Variants in TBC1D23 observed in about 807,000 individuals in gnomAD.
TBC1D23 encodes the protein HCV non-structural protein 4A-transactivated protein 1.
TBC1D23 carries 55 observed loss-of-function variants against 91.4 expected under a neutral mutation model. The ratio of observed to expected loss-of-function variants is 0.60; its 90% CI spans 0.48 to 0.75. The LOEUF (loss-of-function observed/expected upper bound fraction) is 0.75. Ranked by LOEUF, TBC1D23 falls within the 30% of genes least tolerant of loss-of-function variation. The pLI is 0.00. For missense variants in TBC1D23, 725 were observed against 836.1 expected (o/e 0.87, Z 1.64); for synonymous variants, 289 against 281.0 (o/e 1.03, Z -0.28).
intron 11 of TBC1D23, among the ~76,000 whole-genome samples, chr3:100,304,229 C>A (rs955562602): frequency 2.0e-5 from 3 of 152,140 alleles, no homozygotes; most frequent in Non-Finnish European, 2.9e-5. Flanking sequence ...TGTCATTTAT[C>A]ATGTTCTGTC....
At chr3:100,268,053 TC>T (rs1475057225) in intron 1 of TBC1D23, among the ~76,000 whole-genome samples, 1 of 152,022 alleles carries the variant, frequency 6.6e-6, no homozygotes, top group Admixed American at 6.6e-5. Context: ...AAACCTGTAG[TC>T]CCAGCTACTT....
chr3:100,308,464 G>A (rs1705557348), intron 13 of TBC1D23, among the ~76,000 whole-genome samples: 2 of 150,496 alleles, frequency 1.3e-5, no homozygotes, highest in Non-Finnish European at 3.0e-5. Flanking sequence ...GCGACAGAAC[G>A]AGACTCCGTC....
intron 18 of TBC1D23, 77 bp from the exon 19 acceptor site, chr3:100,323,510 G>T: frequency 1.4e-6 from 1 of 729,684 alleles, no homozygotes; most frequent in Non-Finnish European, 1.9e-6. Context: ...GAGTCTTGAA[G>T]GGAAAGCACT....
At chr3:100,268,161 A>G (rs1250984326) in intron 1 of TBC1D23, among the ~76,000 whole-genome samples, 1 of 151,994 alleles carries the variant, frequency 6.6e-6, no homozygotes, top group African/African-American at 2.4e-5. Context: ...CTCTGTCTCT[A>G]ATAATAATAA....
Position 100,295,096 on chromosome 3 carries a change from CT to C in TBC1D23, c.615del (p.Phe205LeufsTer29). Reference protein sequence around the residue: ...DSYALNWLGSLFACYCSTEVT... With the variant: ...DSYALNWLGSXFACYCSTEVT... ...CATTTCCTGATTACAGCTTGGAAGT[CT>C]TTTTGCATGTTACTGTTCCACTGAA... On this transcript the variant is annotated frameshift_variant, in exon 6 of 19. Coordinates refer to ENST00000394144, the MANE Select transcript of TBC1D23 (RefSeq NM_001199198.3). LOFTEE classifies it high-confidence loss of function. 1 of 1,585,718 alleles carries C rather than the reference CT, an allele frequency of 6.3e-7. No individual in the cohort carries two copies. The highest frequency in any genetic ancestry group is 8.5e-7 in the Non-Finnish European group (1 of 1,170,304).
chr3:100,291,976 G>A (rs549854083), intron 5 of TBC1D23, among the ~76,000 whole-genome samples: 2 of 152,088 alleles, frequency 1.3e-5, no homozygotes, highest in South Asian at 2.1e-4. Flanking sequence ...CGATGGCCAG[G>A]CTGGTCTCGA....
chr3:100,306,030 T>G (rs1008261109), intron 12 of TBC1D23, among the ~76,000 whole-genome samples: 5 of 152,354 alleles, frequency 3.3e-5, no homozygotes, highest in African/African-American at 1.2e-4. Flanking sequence ...TAACAATGCT[T>G]CTTTATTATG....
intron 5 of TBC1D23, among the ~76,000 whole-genome samples, chr3:100,291,097 C>G (rs1283099850): frequency 2.0e-5 from 3 of 151,992 alleles, no homozygotes; most frequent in Non-Finnish European, 4.4e-5. Context: ...TATACAGTCA[C>G]AAGGAAAATG....
intron 16 of TBC1D23, among the ~76,000 whole-genome samples, chr3:100,317,345 C>G (rs1050899078): frequency 2.0e-5 from 3 of 152,106 alleles, no homozygotes; most frequent in Non-Finnish European, 2.9e-5. Flanking sequence ...TCATGTATCT[C>G]CTCATTCTCC....
At chr3:100,277,987 C>T (rs997202444) in intron 1 of TBC1D23, among the ~76,000 whole-genome samples, 1 of 152,152 alleles carries the variant, frequency 6.6e-6, no homozygotes, top group Non-Finnish European at 1.5e-5. Flanking sequence ...GTAGCTTTGT[C>T]AAGGAACCTT....
At position 100,290,577 on chromosome 3, in the gene TBC1D23, G is replaced by A; in HGVS notation, c.477-1G>A. ...AAAATTTTGCTTCTCTTGTCTTCTAGGGATTGTTCCCAGAAAGGGAGACCA... is the reference window on the plus strand; with the variant it reads ...AAAATTTTGCTTCTCTTGTCTTCTAAGGATTGTTCCCAGAAAGGGAGACCA... On this transcript the variant is annotated splice_acceptor_variant, in intron 4 of 18. Coordinates refer to ENST00000394144, the MANE Select transcript of TBC1D23 (RefSeq NM_001199198.3). LOFTEE classifies it high-confidence loss of function. 6.2e-7 allele frequency: 1 copy of A among 1,612,914 alleles called. No individual in the cohort carries two copies.
chr3:100,291,784 GCTTTTTTTTTT>G (rs1158807664), intron 5 of TBC1D23, among the ~76,000 whole-genome samples: 1 of 146,082 alleles, frequency 6.8e-6, no homozygotes, highest in African/African-American at 2.5e-5. Flanking sequence ...TATCATATCT[GCTTTTTTTTTT>G]CTTTTTTTTT....
At chr3:100,264,078 A>G (rs2067537377) in intron 1 of TBC1D23, among the ~76,000 whole-genome samples, 1 of 152,120 alleles carries the variant, frequency 6.6e-6, no homozygotes, top group South Asian at 2.1e-4. Flanking sequence ...GAATAGGAAG[A>G]CTTTGGGATT....
At chr3:100,315,980 T>G in intron 15 of TBC1D23, 119 bp from the exon 16 acceptor site, 3 of 757,896 alleles carry the variant, frequency 4.0e-6, no homozygotes, top group Non-Finnish European at 6.9e-6. Context: ...GTACATGGGG[T>G]TTTGGGGGGG....
Position 100,296,188 on chromosome 3 carries a change from T to C in TBC1D23, c.789T>C (p.Thr263=). 2 of 1,577,972 alleles carry C rather than the reference T, an allele frequency of 1.3e-6. No homozygotes were observed. The highest frequency in any genetic ancestry group is 1.7e-6 in the Non-Finnish European group (2 of 1,161,672). ...ATATTTCAGAGTTCTTGGAAAATAC[T>C]CCATCCAGTCTGAATATAGAAGATA... The part of the protein sequence containing the change: ...KEEVIKFLEN[T]PSSLNIEDIE... Residue 263 remains threonine, a synonymous_variant, in exon 8 of 19, where the codon ACT becomes ACC. Coordinates refer to ENST00000394144, the MANE Select transcript of TBC1D23 (RefSeq NM_001199198.3).
In TBC1D23 at chr3:100,295,376, A is replaced by G. The variant is rs754210342; in HGVS notation, c.772+28A>G. The G allele has an allele frequency of 3.2e-6, 5 of 1,568,398 alleles. No homozygotes were observed. In the Admixed American group the frequency reaches 9.0e-5, roughly 28 times the overall value. ...AAGTATCATTTAATGTAGTGAAAAC[A>G]TTTCAGGTCTCTTTATCTGTGTAAG... On this transcript the variant is annotated intron_variant, in intron 7 of 18. Coordinates refer to ENST00000394144, the MANE Select transcript of TBC1D23 (RefSeq NM_001199198.3).
At chr3:100,288,569 A>G (rs2067763353) in intron 4 of TBC1D23, among the ~76,000 whole-genome samples, 1 of 152,220 alleles carries the variant, frequency 6.6e-6, no homozygotes, top group Non-Finnish European at 1.5e-5. Flanking sequence ...AAAATGTAAG[A>G]TAAAATGAAA....
intron 1 of TBC1D23, among the ~76,000 whole-genome samples, chr3:100,273,186 G>A (rs1437019893): frequency 6.6e-6 from 1 of 152,186 alleles, no homozygotes; most frequent in African/African-American, 2.4e-5. Flanking sequence ...GTGTCCCTGG[G>A]TACTTGAGAT....
Position 100,280,398 on chromosome 3 carries a change from T to A in TBC1D23, c.165+638T>A, listed in dbSNP as rs1351937360. Among the ~76,000 whole-genome samples, 5 of 152,330 alleles carry A rather than the reference T, an allele frequency of 3.3e-5. No homozygotes were observed. In the South Asian group the frequency reaches 1.0e-3, roughly 32 times the overall value. The stretch of plus-strand genomic sequence containing the variant: ...GGGTTATAGGAGATTTTCCCTTTGT[T>A]TTCCTCTATTCAGCTATTCTACAGT... On this transcript the variant is annotated intron_variant, in intron 2 of 18. Coordinates refer to ENST00000394144, the MANE Select transcript of TBC1D23 (RefSeq NM_001199198.3).
Sources: gnomAD v4.1 joint callset for allele counts (sites outside exome capture counted in the v4.1 genomes callset) on GRCh38, gnomAD v4.1.1 for gene constraint, MANE v1.5 for transcripts, NCBI Gene and HGNC (gene_info 2026-07-23, HGNC 2026-07-21) for gene names.